Variants in RSRC1 observed in about 807,000 individuals in gnomAD.
The protein encoded by RSRC1 is serine/Arginine-related protein 53.
RSRC1 carries 39 observed loss-of-function variants against 49.1 expected under a neutral mutation model. The ratio of observed to expected loss-of-function variants is 0.79; its 90% CI spans 0.61 to 1.04. RSRC1 has a LOEUF of 1.04. Ranked by LOEUF, RSRC1 falls within the 50% of genes least tolerant of loss-of-function variation. The pLI is 0.00. For missense variants in RSRC1, 388 were observed against 402.4 expected (o/e 0.96, Z 0.31); for synonymous variants, 143 against 130.8 (o/e 1.09, Z -0.63).
intron 5 of RSRC1, among the ~76,000 whole-genome samples, chr3:158,311,739 T>C (rs1728141274): frequency 6.6e-6 from 1 of 152,086 alleles, no homozygotes; most frequent in Non-Finnish European, 1.5e-5. Context: ...AAGGTAAATA[T>C]ATAAGGTAAT....
chr3:158,279,145 T>G (rs1410111428), intron 4 of RSRC1, among the ~76,000 whole-genome samples: 1 of 152,226 alleles, frequency 6.6e-6, no homozygotes, highest in African/African-American at 2.4e-5. Flanking sequence ...TTACAGCAAT[T>G]CATAAGGCCC....
At chr3:158,492,029 A>C (rs1402450894) in intron 7 of RSRC1, among the ~76,000 whole-genome samples, 1 of 152,192 alleles carries the variant, frequency 6.6e-6, no homozygotes, top group Non-Finnish European at 1.5e-5. Flanking sequence ...TTACAGTTCC[A>C]CATGGCTGGG....
In RSRC1 at chr3:158,183,447, A is replaced by G. The variant is rs145605668; in HGVS notation, c.321-19625A>G. Among the ~76,000 whole-genome samples, 413 of 152,260 alleles carry G rather than the reference A, an allele frequency of 2.7e-3. 9 individuals carry two copies. In the East Asian group the frequency reaches 0.069, roughly 25 times the overall value. ...TGTAGATTGATCTTCTAGTGAATTT[A>G]TAGGTTATTCATTGTAAAATTGATT... On this transcript the variant is annotated intron_variant, in intron 3 of 9. Transcript: ENST00000611884.
chr3:158,526,604 C>T (rs1024373063), intron 7 of RSRC1, among the ~76,000 whole-genome samples: 3 of 151,976 alleles, frequency 2.0e-5, no homozygotes, highest in African/African-American at 7.2e-5. Flanking sequence ...ATCTCCAACA[C>T]CTAGCCTAGC....
At position 158,144,750 on chromosome 3, in the gene RSRC1, A is replaced by G. The variant is rs1716972042; in HGVS notation, c.320+20759A>G. ...GGTTGAACTAGTTTACAGTCCCCCC[A>G]ACAGTGTAAAAGTGTTCCTATTTCT... On this transcript the variant is annotated intron_variant, in intron 3 of 9. Coordinates refer to ENST00000611884, the MANE Select transcript of RSRC1 (RefSeq NM_001271838.2). Among the ~76,000 whole-genome samples, 3 of 152,138 alleles carry G rather than the reference A, an allele frequency of 2.0e-5. No homozygotes were observed. In the South Asian group the frequency reaches 6.2e-4, roughly 32 times the overall value.
intron 4 of RSRC1, among the ~76,000 whole-genome samples, chr3:158,272,353 C>T (rs886591926): frequency 2.0e-5 from 3 of 152,094 alleles, no homozygotes; most frequent in Non-Finnish European, 2.9e-5. Flanking sequence ...ATGGAACCGG[C>T]AGGCTTGATT....
intron 5 of RSRC1, among the ~76,000 whole-genome samples, chr3:158,353,227 C>T (rs1431314173): frequency 6.6e-6 from 1 of 152,206 alleles, no homozygotes; most frequent in East Asian, 1.9e-4. Flanking sequence ...TGCCTCTAGA[C>T]ACATTCCTTT....
intron 6 of RSRC1, among the ~76,000 whole-genome samples, chr3:158,372,742 C>G (rs1438841946): frequency 1.3e-5 from 2 of 151,824 alleles, no homozygotes; most frequent in African/African-American, 4.8e-5. Flanking sequence ...TTAAATTCAA[C>G]TGGAATTTTG....
At chr3:158,173,030 CTAATT>C (rs1403970575) in intron 3 of RSRC1, among the ~76,000 whole-genome samples, 1 of 151,944 alleles carries the variant, frequency 6.6e-6, no homozygotes, top group Non-Finnish European at 1.5e-5. Context: ...ATGTATCTAT[CTAATT>C]TATCTATGAT....
chr3:158,516,114 C>T (rs539741631), intron 7 of RSRC1, among the ~76,000 whole-genome samples: 89 of 152,350 alleles, frequency 5.8e-4, no homozygotes, highest in African/African-American at 1.9e-3. Context: ...AGTCATTCTC[C>T]GTCCAGCTTT....
At chr3:158,318,027 G>GTC (rs1491308665) in intron 5 of RSRC1, among the ~76,000 whole-genome samples, 7 of 40,542 alleles carry the variant, frequency 1.7e-4, no homozygotes, top group Non-Finnish European at 3.7e-4. Flanking sequence ...TTGTGTGTGC[G>GTC]TGTGTGTGTG....
At chr3:158,214,253 A>G (rs1378131413) in intron 4 of RSRC1, among the ~76,000 whole-genome samples, 2 of 151,786 alleles carry the variant, frequency 1.3e-5, no homozygotes, top group Admixed American at 6.6e-5. Context: ...ATTCCATCTT[A>G]GTTGTTGAGT....
intron 4 of RSRC1, chr3:158,275,714 C>A: frequency 2.6e-6 from 1 of 390,982 alleles, no homozygotes; most frequent in East Asian, 8.1e-5. Context: ...ATGAAATAAT[C>A]TGCAGACTAG....
intron 3 of RSRC1, among the ~76,000 whole-genome samples, chr3:158,175,142 C>G (rs1719125482): frequency 6.6e-6 from 1 of 151,918 alleles, no homozygotes; most frequent in Admixed American, 6.6e-5. Context: ...TGTTTAGTCT[C>G]ATCTATTTTT....
intron 5 of RSRC1, among the ~76,000 whole-genome samples, chr3:158,329,631 C>A (rs1054939363): frequency 2.6e-5 from 4 of 152,190 alleles, no homozygotes; most frequent in African/African-American, 9.7e-5. Context: ...GCTGTGTGAG[C>A]TGTCAGTGTG....
intron 6 of RSRC1, among the ~76,000 whole-genome samples, chr3:158,385,004 T>C (rs931447261): frequency 6.6e-6 from 1 of 152,096 alleles, no homozygotes; most frequent in African/African-American, 2.4e-5. Flanking sequence ...CATTTAGTGA[T>C]TGTGGAAGAA....
intron 6 of RSRC1, among the ~76,000 whole-genome samples, chr3:158,451,297 A>G (rs571644679): frequency 4.6e-5 from 7 of 152,126 alleles, no homozygotes; most frequent in African/African-American, 1.7e-4. Flanking sequence ...ATGGCCTGAT[A>G]GATTTGGAAA....
intron 3 of RSRC1, among the ~76,000 whole-genome samples, chr3:158,128,636 AACATTGATACAGTT>A (rs1715790826): frequency 6.6e-6 from 1 of 152,330 alleles, no homozygotes; most frequent in South Asian, 2.1e-4. Context: ...GCAGGACATT[AACATTGATACAGTT>A]CTAGTAACTA....
chr3:158,147,846 C>G (rs189030710), intron 3 of RSRC1, among the ~76,000 whole-genome samples: 1 of 152,126 alleles, frequency 6.6e-6, no homozygotes, highest in African/African-American at 2.4e-5. Flanking sequence ...TTTATGTAGT[C>G]TAGCAGTGCT....
Sources: allele counts gnomAD v4.1 joint callset (sites outside exome capture counted in the v4.1 genomes callset), GRCh38; gene constraint gnomAD v4.1.1; transcripts MANE v1.5; gene names NCBI Gene and HGNC (gene_info 2026-07-23, HGNC 2026-07-21).